The following STK3 variants were observed in gnomAD, a reference collection of about 807,000 sequenced individuals.
STK3 encodes the protein serine/threonine kinase 3.
STK3 carries 41 observed loss-of-function variants against 58.0 expected under a neutral mutation model. The observed-to-expected ratio is 0.71, with a 90% CI of 0.55 to 0.92. STK3 has a LOEUF of 0.92. Among genes scored for constraint, STK3 ranks in the 40% least tolerant of loss-of-function variants. The pLI is 0.00. For missense variants in STK3, 479 were observed against 602.7 expected (o/e 0.79, Z 2.15); for synonymous variants, 170 against 191.0 (o/e 0.89, Z 0.91).
intron 3 of STK3, among the ~76,000 whole-genome samples, chr8:98,858,168 G>A (rs1836748233): frequency 6.6e-6 from 1 of 151,044 alleles, no homozygotes; most frequent in African/African-American, 2.4e-5. Context: ...GATCACTTGA[G>A]ATCAGGAGTT....
chr8:98,387,672 T>G (rs1303095137), intron 1 of STK3, among the ~76,000 whole-genome samples: 1 of 152,114 alleles, frequency 6.6e-6, no homozygotes, highest in African/African-American at 2.4e-5. Flanking sequence ...CGCTTGAACC[T>G]GGGAGGCAGA....
chr8:98,540,779 C>G (rs1810186941), intron 9 of STK3, among the ~76,000 whole-genome samples: 1 of 150,946 alleles, frequency 6.6e-6, no homozygotes, highest in African/African-American at 2.4e-5. Context: ...TAAGTGCACT[C>G]TTTCGCAACT....
At chr8:98,852,141 C>CTT (rs869307934) in intron 3 of STK3, among the ~76,000 whole-genome samples, 1 of 142,200 alleles carries the variant, frequency 7.0e-6, no homozygotes, top group Non-Finnish European at 1.5e-5. Context: ...AGCTAATTTT[C>CTT]TTTTTTTTTT....
intron 6 of STK3, among the ~76,000 whole-genome samples, chr8:98,697,845 T>C (rs1481854971): frequency 1.3e-5 from 2 of 152,278 alleles, no homozygotes; most frequent in East Asian, 1.9e-4. Flanking sequence ...TTCTGTTGAT[T>C]TGGGGTGGAG....
intron 6 of STK3, among the ~76,000 whole-genome samples, chr8:98,611,209 C>G (rs1217376122): frequency 6.6e-6 from 1 of 151,688 alleles, no homozygotes; most frequent in Non-Finnish European, 1.5e-5. Flanking sequence ...CAGTATAATG[C>G]CCAGTACAAA....
chr8:98,442,178 C>T (rs1818720478), intron 1 of STK3, among the ~76,000 whole-genome samples: 1 of 152,174 alleles, frequency 6.6e-6, no homozygotes, highest in Non-Finnish European at 1.5e-5. Context: ...GGGATCTGCC[C>T]TCTCTTCTCT....
intron 1 of STK3, among the ~76,000 whole-genome samples, chr8:98,446,657 GTGA>G (rs1351626708): frequency 6.6e-6 from 1 of 152,160 alleles, no homozygotes; most frequent in Non-Finnish European, 1.5e-5. Flanking sequence ...TATACTGTTG[GTGA>G]GAGTGTAAAT....
At position 98,586,346 on chromosome 8, in the gene STK3, T is replaced by C. The variant is rs562911662; in HGVS notation, c.823-6557A>G. On this transcript the variant is annotated intron_variant, in intron 7 of 10. Coordinates refer to ENST00000419617, the MANE Select transcript of STK3 (RefSeq NM_006281.4). ...TGTCAAAGGCCTTTTCTGCATCTAA[T>C]GAGATAATCATGTGGTTTTTGTCTT... Among the ~76,000 whole-genome samples, 670 of 152,252 alleles carry C rather than the reference T, an allele frequency of 4.4e-3. 4 individuals carry two copies. The highest frequency in any genetic ancestry group is 6.7e-3 in the Non-Finnish European group (459 of 68,034).
At chr8:98,860,921 G>A (rs923368605) in intron 3 of STK3, among the ~76,000 whole-genome samples, 1 of 152,124 alleles carries the variant, frequency 6.6e-6, no homozygotes, top group Non-Finnish European at 1.5e-5. Context: ...TTAGCCAGGT[G>A]TGGTGGTGCA....
intron 3 of STK3, among the ~76,000 whole-genome samples, chr8:98,762,412 C>T (rs62532587): frequency 0.29 from 43,397 of 152,050 alleles, 7,001 homozygotes; most frequent in East Asian, 0.44. Context: ...CCTGCCACCA[C>T]GCTCAGCTAA....
chr8:98,868,287 A>G (rs1014572045), intron 3 of STK3, among the ~76,000 whole-genome samples: 26 of 152,258 alleles, frequency 1.7e-4, no homozygotes, highest in African/African-American at 5.5e-4. Flanking sequence ...TTCTCAAAGA[A>G]GTCTCAGTTG....
intron 3 of STK3, among the ~76,000 whole-genome samples, chr8:98,840,369 AAAG>A (rs1162143317): frequency 6.8e-6 from 1 of 147,954 alleles, no homozygotes; most frequent in African/African-American, 2.5e-5. Flanking sequence ...AAAAAAAAAA[AAAG>A]ACCAGCCTCG....
intron 3 of STK3, among the ~76,000 whole-genome samples, chr8:98,868,247 T>G (rs559495022): frequency 1.3e-5 from 2 of 152,352 alleles, no homozygotes; most frequent in East Asian, 3.9e-4. Flanking sequence ...TTTAGAAATC[T>G]TGGACAGTGC....
chr8:98,595,450 T>C (rs986929500), intron 7 of STK3: 4 of 152,124 alleles, frequency 2.6e-5, no homozygotes, highest in African/African-American at 9.7e-5. Context: ...ATGTGAGACA[T>C]ACTTATTATT....
chr8:98,620,868 G>T (rs116899753), intron 6 of STK3, among the ~76,000 whole-genome samples: 1,570 of 150,470 alleles, frequency 0.01, 19 homozygotes, highest in Non-Finnish European at 0.017. Flanking sequence ...AAATGGTATT[G>T]CATTTTTAAC....
intron 6 of STK3, among the ~76,000 whole-genome samples, chr8:98,641,532 T>C (rs1333414218): frequency 6.6e-6 from 1 of 152,204 alleles, no homozygotes; most frequent in Non-Finnish European, 1.5e-5. Flanking sequence ...GTGCTTAACA[T>C]ATATTAGTGA....
rs144334176 is a variant in STK3 at position 98,758,408 on chromosome 8, C to A, written c.236+8835G>T. ...AAATGCAAAAATTCTCAATAAAAGA[C>A]CTGCAGACCAAATGCAGCAGTACAT... On this transcript the variant is annotated intron_variant, in intron 3 of 10. Transcript: ENST00000419617. 7.8e-3 allele frequency among the ~76,000 whole-genome samples: 1,181 copies of A among 152,292 alleles called. 9 individuals are homozygous for A. The highest frequency in any genetic ancestry group is 0.021 in the African/African-American group (854 of 41,548).
chr8:98,799,986 G>T (rs1297104611), intron 1 of STK3, among the ~76,000 whole-genome samples: 2 of 152,140 alleles, frequency 1.3e-5, no homozygotes, highest in Non-Finnish European at 2.9e-5. Flanking sequence ...ATCAGCCAGG[G>T]ATAGTACAAG....
At chr8:98,484,785 AT>A (rs1233798136) in intron 10 of STK3, among the ~76,000 whole-genome samples, 1 of 152,182 alleles carries the variant, frequency 6.6e-6, no homozygotes, top group Non-Finnish European at 1.5e-5. Context: ...TCTTCTTGTT[AT>A]GACAAATAAT....
Sources: gnomAD v4.1 joint callset for allele counts (sites outside exome capture counted in the v4.1 genomes callset) on GRCh38, gnomAD v4.1.1 for gene constraint, MANE v1.5 for transcripts, NCBI Gene and HGNC (gene_info 2026-07-23, HGNC 2026-07-21) for gene names.